The following EFCAB7 variants were observed in gnomAD, a reference collection of about 807,000 sequenced individuals.
EFCAB7 encodes EF-hand calcium-binding domain-containing protein 7.
In EFCAB7, 66 loss-of-function variants were observed where a neutral mutation model predicts 77.1. The observed-to-expected ratio is 0.86, with a 90% CI of 0.70 to 1.05. The LOEUF is 1.05. Among genes scored for constraint, EFCAB7 ranks in the 50% least tolerant of loss-of-function variants. The probability of loss-of-function intolerance (pLI) is 0.00; values close to 1 mark genes in which losing one functional copy is unlikely to be tolerated. For synonymous variants in EFCAB7, 225 were observed against 243.3 expected (o/e 0.92, Z 0.70); for missense variants, 638 against 730.5 (o/e 0.87, Z 1.46).
intron 7 of EFCAB7, among the ~76,000 whole-genome samples, chr1:63,546,711 T>C (rs1646903177): frequency 6.6e-6 from 1 of 152,126 alleles, no homozygotes; most frequent in South Asian, 2.1e-4. Context: ...CTTTTTCCAT[T>C]TGTCAATTTT....
chr1:63,567,242 C>T (rs1204291639), intron 11 of EFCAB7, among the ~76,000 whole-genome samples: 1 of 152,170 alleles, frequency 6.6e-6, no homozygotes, highest in Non-Finnish European at 1.5e-5. Context: ...CACCTGAGTT[C>T]AGGAGTTCAA....
Position 63,534,300 on chromosome 1 carries a change from GA to G in EFCAB7, c.804+86del, listed in dbSNP as rs1441109449. Reference sequence around the variant, plus strand: ...TTAATAACTGTGCAGTGTCTACAGGGAACCAGTAAAGTTTATGAAGTAATTT... The same window carrying G: ...TTAATAACTGTGCAGTGTCTACAGGGACCAGTAAAGTTTATGAAGTAATTT... On this transcript the variant is annotated intron_variant, in intron 6 of 13. Coordinates refer to ENST00000371088, the MANE Select transcript of EFCAB7 (RefSeq NM_032437.4). 1.3e-5 allele frequency: 15 copies of G among 1,192,412 alleles called. No individual in the cohort carries two copies. The East Asian group carries it at 3.8e-4, about 30-fold the overall frequency. 73.9% of individuals were successfully genotyped at this position (1,192,412 alleles called of 1,614,324 possible). A position where few individuals can be genotyped will look rare whatever the true frequency, so the allele number is the denominator to read the frequency against.
intron 2 of EFCAB7, among the ~76,000 whole-genome samples, chr1:63,531,271 A>G (rs1358384660): frequency 6.6e-6 from 1 of 152,018 alleles, no homozygotes; most frequent in Non-Finnish European, 1.5e-5. Context: ...CACACAAGTG[A>G]GATACGCTGT....
Position 63,560,232 on chromosome 1 carries a change from G to A in EFCAB7, c.1349-1477G>A, listed in dbSNP as rs186730808. 2.7e-3 allele frequency among the ~76,000 whole-genome samples: 413 copies of A among 152,188 alleles called. 5 individuals are homozygous for A. Among genetic ancestry groups the A allele is most frequent in the South Asian group, 8.7e-3 (42 of 4,822 alleles). Reference sequence around the variant, plus strand: ...CTCCCAAAGTGCTGGGATTACAGGCGTGAGCCACTGCGCCTGGCCCAAGTG... The same window carrying A: ...CTCCCAAAGTGCTGGGATTACAGGCATGAGCCACTGCGCCTGGCCCAAGTG... On this transcript the variant is annotated intron_variant, in intron 10 of 13. Transcript: ENST00000371088.
chr1:63,569,068 TA>T, intron 12 of EFCAB7: 1 of 152,274 alleles, frequency 6.6e-6, no homozygotes, highest in East Asian at 1.9e-4. Context: ...AATACGAGCA[TA>T]AATTCTTAGT....
intron 2 of EFCAB7, among the ~76,000 whole-genome samples, chr1:63,530,681 T>A (rs1247745998): frequency 6.6e-6 from 1 of 152,212 alleles, no homozygotes; most frequent in Non-Finnish European, 1.5e-5. Flanking sequence ...CACAGTATAT[T>A]GACATTCTTG....
chr1:63,548,508 C>T (rs1646926454), intron 7 of EFCAB7: 1 of 152,078 alleles, frequency 6.6e-6, no homozygotes, highest in Non-Finnish European at 1.5e-5. Context: ...GTTCTCTGAG[C>T]TTCTTGGATA....
downstream of EFCAB7, among the ~76,000 whole-genome samples, chr1:63,574,524 A>C (rs974438729): frequency 3.2e-4 from 49 of 152,280 alleles, no homozygotes; most frequent in Non-Finnish European, 3.7e-4. Context: ...TTTTTTAGCT[A>C]TCTTATCAGC....
chr1:63,534,388 G>A (rs1274468870), intron 6 of EFCAB7, 172 bp downstream of exon 6: 1 of 504,236 alleles, frequency 2.0e-6, no homozygotes, highest in Non-Finnish European at 3.4e-6. Flanking sequence ...TAAAAATGAT[G>A]AATATTATTA....
In EFCAB7 at chr1:63,557,145, G is replaced by C. The variant is rs1436040726; in HGVS notation, c.1246G>C (p.Asp416His). ...STLSDIFEVI[D>H]LDGNGLLSLE... ...TTTATCAGATATATTTGAAGTAATTGATTTAGATGGAAATGGTCTTCTTAG... is the reference window on the plus strand; with the variant it reads ...TTTATCAGATATATTTGAAGTAATTCATTTAGATGGAAATGGTCTTCTTAG... The change falls in exon 10 of 14, where the codon GAT (aspartate) becomes CAT (histidine). Residue 416 changes from aspartate to histidine, a missense_variant. Transcript: ENST00000371088. 10 of 1,595,672 alleles carry C rather than the reference G, an allele frequency of 6.3e-6. No homozygotes were observed. Among genetic ancestry groups the C allele is most frequent in the Non-Finnish European group, 6.8e-6 (8 of 1,173,306 alleles).
chr1:63,580,139 C>G, the EFCAB7 span, among the ~76,000 whole-genome samples: 527 of 152,270 alleles, frequency 3.5e-3, 3 homozygotes, highest in African/African-American at 0.011. Flanking sequence ...AAGTCGTTGT[C>G]TAACCCCAGG....
At chr1:63,566,372 G>A (rs1301313068) in intron 11 of EFCAB7, among the ~76,000 whole-genome samples, 1 of 152,128 alleles carries the variant, frequency 6.6e-6, no homozygotes, top group Non-Finnish European at 1.5e-5. Context: ...AGGAGGGAGA[G>A]GATCAGGAAA....
At chr1:63,532,820 C>T (rs1646715339) in intron 4 of EFCAB7, 64 bp downstream of exon 4, 2 of 1,313,972 alleles carry the variant, frequency 1.5e-6, no homozygotes, top group South Asian at 1.3e-5. Flanking sequence ...TATTTTTCCC[C>T]AGCTTTATTA....
At chr1:63,543,803 G>A (rs217448) in intron 6 of EFCAB7, among the ~76,000 whole-genome samples, 1 of 151,938 alleles carries the variant, frequency 6.6e-6, no homozygotes, top group African/African-American at 2.4e-5. Context: ...ATTTAAATAT[G>A]CTTACTTACA....
intron 11 of EFCAB7, among the ~76,000 whole-genome samples, chr1:63,567,013 A>C (rs1028961397): frequency 6.6e-6 from 1 of 152,014 alleles, no homozygotes; most frequent in Non-Finnish European, 1.5e-5. Context: ...GAATTTATTC[A>C]GTTATTCAAC....
intron 10 of EFCAB7, among the ~76,000 whole-genome samples, chr1:63,560,056 C>T (rs1006383725): frequency 1.4e-4 from 21 of 151,786 alleles, no homozygotes; most frequent in African/African-American, 4.1e-4. Context: ...CCCGGGTTCA[C>T]GCCATTCTGC....
intron 10 of EFCAB7, among the ~76,000 whole-genome samples, chr1:63,560,516 T>C (rs964081724): frequency 1.5e-5 from 2 of 134,868 alleles, no homozygotes; most frequent in African/African-American, 3.0e-5. Context: ...TCTTAACTTT[T>C]TTTTTTTTTT....
Position 63,572,688 on chromosome 1 carries a change from C to T in EFCAB7, c.*172C>T. 1 of 984,610 alleles carries T rather than the reference C, an allele frequency of 1.0e-6. No individual in the cohort carries two copies. The highest frequency in any genetic ancestry group is 1.3e-6 in the Non-Finnish European group (1 of 773,126). The allele number at this position is 984,610 out of a possible 1,614,324, so 61.0% of individuals were successfully genotyped here. A position where few individuals can be genotyped will look rare whatever the true frequency, so the allele number is the denominator to read the frequency against. ...CTTTATTATTAAAATATAAATAATG[C>T]TTTCATTGTGTGGTGTTCTTATTTA... On this transcript the variant is annotated 3_prime_UTR_variant, in exon 14 of 14. Coordinates refer to ENST00000371088, the MANE Select transcript of EFCAB7 (RefSeq NM_032437.4).
intron 1 of EFCAB7, among the ~76,000 whole-genome samples, chr1:63,525,321 A>G (rs1646568506): frequency 6.6e-6 from 1 of 152,166 alleles, no homozygotes; most frequent in Non-Finnish European, 1.5e-5. Context: ...ACATATGTAT[A>G]TATCTAAAAT....
Sources: allele counts gnomAD v4.1 joint callset (sites outside exome capture counted in the v4.1 genomes callset), GRCh38; gene constraint gnomAD v4.1.1; transcripts MANE v1.5; gene names NCBI Gene and HGNC (gene_info 2026-07-23, HGNC 2026-07-21).